CSDE1: variants seen among roughly 807,000 people sequenced by gnomAD.
The protein encoded by CSDE1 is cold shock domain containing E1, also known as cold shock domain-containing protein E1.
A neutral mutation model predicts 89.3 loss-of-function variants in CSDE1; 17 were observed. That is an observed-to-expected ratio of 0.19 (90% CI 0.13 to 0.29). The LOEUF is 0.29. Among genes scored for constraint, CSDE1 ranks in the 10% least tolerant of loss-of-function variants. CSDE1 has a pLI of 1.00. For missense variants in CSDE1, 672 were observed against 984.2 expected (o/e 0.68, Z 4.24); for synonymous variants, 322 against 332.8 (o/e 0.97, Z 0.35).
Position 114,718,231 on chromosome 1 carries a change from A to G in CSDE1, c.2350-15T>C. On this transcript the variant is annotated splice_polypyrimidine_tract_variant and intron_variant, in intron 19 of 19. Coordinates refer to ENST00000358528, the MANE Select transcript of CSDE1 (RefSeq NM_001007553.3). ...GCACCAAACCCCTGTGGGGGGGAGA[A>G]AAAAAAAACCCTGCAGTTAATGATT... The G allele has an allele frequency of 6.2e-7, 1 of 1,607,052 alleles. No homozygotes were observed. The highest frequency in any genetic ancestry group is 8.5e-7 in the Non-Finnish European group (1 of 1,177,290).
intron 3 of CSDE1, among the ~76,000 whole-genome samples, chr1:114,739,248 G>C (rs1006708626): frequency 6.6e-6 from 1 of 151,824 alleles, no homozygotes; most frequent in Non-Finnish European, 1.5e-5. Flanking sequence ...AGCCAGGATG[G>C]TCTCTATCTC....
rs561692226 is a variant in CSDE1, at chr1:114,742,354, C to T, written c.1-2464G>A. On this transcript the variant is annotated intron_variant, in intron 2 of 19. Coordinates refer to ENST00000358528, the MANE Select transcript of CSDE1 (RefSeq NM_001007553.3). ...ACCTGTAATCCCAGCACAGGGAGGC[C>T]GGGGTGGACATGAGGTCAGGAGTTT... 4.4e-4 allele frequency among the ~76,000 whole-genome samples: 67 copies of T among 152,032 alleles called. 1 individual carries two copies. Among genetic ancestry groups the T allele is most frequent in the Admixed American group, 9.8e-4 (15 of 15,262 alleles).
chr1:114,739,989 C>T lies in CSDE1; in HGVS notation c.1-99G>A, dbSNP rs953954479. ...TCACTAAATCTTCCATATAAAAACG[C>T]AAAAAAAAGTAAAATGAAGGGAAGA... is the stretch of plus-strand genomic sequence containing the variant. On this transcript the variant is annotated intron_variant, in intron 2 of 19. Transcript: ENST00000358528. 6 of 930,780 alleles carry T rather than the reference C, an allele frequency of 6.4e-6. No homozygotes were observed. In the African/African-American group the frequency reaches 6.7e-5, roughly 10 times the overall value. 57.7% of individuals were successfully genotyped at this position (930,780 alleles called of 1,614,324 possible). A position where few individuals can be genotyped will look rare whatever the true frequency, so the allele number is the denominator to read the frequency against.
At chr1:114,734,329 A>G in intron 7 of CSDE1, 113 bp downstream of exon 7, 1 of 1,108,296 alleles carries the variant, frequency 9.0e-7, no homozygotes. Flanking sequence ...GTTAACAGTG[A>G]AATATTTTAA....
intron 1 of CSDE1, among the ~76,000 whole-genome samples, chr1:114,751,259 A>G (rs1217403500): frequency 6.6e-6 from 1 of 152,244 alleles, no homozygotes; most frequent in Non-Finnish European, 1.5e-5. Flanking sequence ...TATATTAGCT[A>G]TAAAATAAAC....
chr1:114,726,405 C>T lies in CSDE1; in HGVS notation c.1465-19G>A, dbSNP rs372243107. 14 of 1,595,132 alleles carry T rather than the reference C, an allele frequency of 8.8e-6. No homozygotes were observed. The highest frequency in any genetic ancestry group is 1.2e-5 in the Non-Finnish European group (14 of 1,170,196). ...ATTCAACCTGTGAAAATTAAGGATG[C>T]TCATTAACACCATATCACTTCCACA... On this transcript the variant is annotated intron_variant, in intron 13 of 19. Transcript: ENST00000358528.
chr1:114,727,000 G>A lies in CSDE1; in HGVS notation c.1447C>T (p.Pro483Ser). The A allele has an allele frequency of 2.5e-6, 4 of 1,611,414 alleles. No homozygotes were observed. In the East Asian group the frequency reaches 6.7e-5, roughly 27 times the overall value. ...TATCTTGCCTTATCTCCTATTTGAG[G>A]AGAAGTAGATCCTTCCACATCCTTG... Reference protein sequence around the residue: ...QAKDVEGSTSPQIGDKVEFSI... With the variant: ...QAKDVEGSTSSQIGDKVEFSI... The change falls in exon 13 of 20, where the codon CCT (proline) becomes TCT (serine). Residue 483 changes from proline to serine, a missense_variant. Physicochemically the swap from Pro to Ser is moderately conservative, Grantham distance 74. Transcript: ENST00000358528.
In CSDE1 at chr1:114,751,605, G is replaced by C. The variant is rs148815791; in HGVS notation, c.-387-1398C>G. Among the ~76,000 whole-genome samples, 279 of 151,752 alleles carry C rather than the reference G, an allele frequency of 1.8e-3. 3 individuals are homozygous for C. The highest frequency in any genetic ancestry group is 6.4e-3 in the African/African-American group (265 of 41,356). On this transcript the variant is annotated intron_variant, in intron 1 of 19. Transcript: ENST00000358528. Reference sequence around the variant, plus strand: ...TATCAAATGTTACATACACTTGTCTGATCTTTCAACTTTATTTAGATCATT... The same window carrying C: ...TATCAAATGTTACATACACTTGTCTCATCTTTCAACTTTATTTAGATCATT...
chr1:114,747,236 C>T lies in CSDE1; in HGVS notation c.-1+2585G>A, dbSNP rs183482342. ...TTCTATATATATTTGTTCCTAATTA[C>T]GTACTATTTTTACTGATTTTACAAA... is the stretch of plus-strand genomic sequence containing the variant. On this transcript the variant is annotated intron_variant, in intron 2 of 19. Transcript: ENST00000358528. Among the ~76,000 whole-genome samples, 47 of 152,194 alleles carry T rather than the reference C, an allele frequency of 3.1e-4. 1 individual carries two copies. Among genetic ancestry groups the T allele is most frequent in the Admixed American group, 2.3e-3 (35 of 15,282 alleles).
chr1:114,756,033 A>G lies in CSDE1; in HGVS notation c.-388+1892T>C, dbSNP rs552168826. Among the ~76,000 whole-genome samples the G allele has an allele frequency of 2.0e-5, 3 of 152,306 alleles. No individual in the cohort carries two copies. The East Asian group carries it at 5.8e-4, about 29-fold the overall frequency. On this transcript the variant is annotated intron_variant, in intron 1 of 19. Transcript: ENST00000358528. Reference sequence around the variant, plus strand: ...AAACAAAAATCGATGGCCCTACACGATGTGTCTTCAGGTGGGGAGAAGGGA... The same window carrying G: ...AAACAAAAATCGATGGCCCTACACGGTGTGTCTTCAGGTGGGGAGAAGGGA...
chr1:114,726,995 T>G lies in CSDE1; in HGVS notation c.1452A>C (p.Gln484His). The G allele has an allele frequency of 6.2e-7, 1 of 1,606,192 alleles. No homozygotes were observed. The highest frequency in any genetic ancestry group is 8.5e-7 in the Non-Finnish European group (1 of 1,172,846). ...AGAATTATCTTGCCTTATCTCCTAT[T>G]TGAGGAGAAGTAGATCCTTCCACAT... ...AKDVEGSTSP[Q>H]IGDKVEFSIS... Residue 484 changes from glutamine (Q) to histidine (H), a missense_variant, in exon 13 of 20, where the codon CAA becomes CAC. Around this residue, in one of 8 missense-constraint regions of CSDE1, gnomAD observed 108 missense variants for 105.0 expected, o/e 1.03. Transcript: ENST00000358528.
intron 16 of CSDE1, among the ~76,000 whole-genome samples, chr1:114,722,379 G>A (rs1659576119): frequency 6.6e-6 from 1 of 152,188 alleles, no homozygotes; most frequent in Non-Finnish European, 1.5e-5. Context: ...TTTTAAAGAT[G>A]AAGAAACTGA....
chr1:114,719,553 A>C, intron 18 of CSDE1, 26 bp downstream of exon 18: 2 of 1,607,838 alleles, frequency 1.2e-6, no homozygotes, highest in Non-Finnish European at 1.7e-6. Context: ...GGTAGTTACT[A>C]ATCAAACCAC....
At chr1:114,738,105 C>A (rs1012333953) in intron 3 of CSDE1, 33 bp from the exon 4 acceptor site, 4 of 1,539,068 alleles carry the variant, frequency 2.6e-6, no homozygotes, top group East Asian at 2.2e-5. Flanking sequence ...GTTTGTTGAA[C>A]TGATTTTTGC....
rs925356784 is a variant in CSDE1 at position 114,730,286 on chromosome 1, G to A, written c.1328C>T (p.Thr443Ile). Residue 443 changes from threonine to isoleucine, a missense_variant, in exon 12 of 20, where the codon ACC (threonine) becomes ATC (isoleucine). Transcript: ENST00000358528. ...EKEATFSNPK[T>I]TSPNKGKEKE... ...CTCTTTGCCTTTATTTGGGCTAGTG[G>A]TTTTAGGATTGGAAAAAGTGGCTTC... 4 of 1,614,044 alleles carry A rather than the reference G, an allele frequency of 2.5e-6. No homozygotes were observed. The highest frequency in any genetic ancestry group is 8.5e-7 in the Non-Finnish European group (1 of 1,180,002).
intron 15 of CSDE1, among the ~76,000 whole-genome samples, chr1:114,724,700 A>G (rs1469529584): frequency 6.6e-6 from 1 of 152,140 alleles, no homozygotes; most frequent in Non-Finnish European, 1.5e-5. Context: ...TCCCTACTCC[A>G]TGGTGATGTA....
intron 8 of CSDE1, 46 bp downstream of exon 8, chr1:114,733,943 A>T: frequency 1.2e-6 from 2 of 1,606,856 alleles, no homozygotes; most frequent in Non-Finnish European, 1.7e-6. Flanking sequence ...ACATAAACCA[A>T]CTCTGATCTT....
Position 114,720,791 on chromosome 1 carries a change from A to T in CSDE1, c.1874-74T>A. ...CTGCTGATGACCCTAGGAAGTTTAT[A>T]TAACTGCTAAAAATGTGTTATGTTA... On this transcript the variant is annotated intron_variant, in intron 16 of 19. Coordinates refer to ENST00000358528, the MANE Select transcript of CSDE1 (RefSeq NM_001007553.3). 2.3e-6 allele frequency: 3 copies of T among 1,296,632 alleles called. No individual in the cohort carries two copies. In the Admixed American group the frequency reaches 6.7e-5, roughly 29 times the overall value. 80.3% of individuals were successfully genotyped at this position (1,296,632 alleles called of 1,614,324 possible). A position where few individuals can be genotyped will look rare whatever the true frequency, so the allele number is the denominator to read the frequency against.
intron 2 of CSDE1, among the ~76,000 whole-genome samples, chr1:114,742,446 G>A (rs1660779815): frequency 6.6e-6 from 1 of 152,148 alleles, no homozygotes; most frequent in East Asian, 1.9e-4. Flanking sequence ...GCCAGGCATG[G>A]TGGCATGGGT....
Sources: allele counts gnomAD v4.1 joint callset (sites outside exome capture counted in the v4.1 genomes callset), GRCh38; gene constraint gnomAD v4.1.1; regional missense constraint gnomAD v4.1.1; transcripts MANE v1.5; gene names NCBI Gene and HGNC (gene_info 2026-07-23, HGNC 2026-07-21).